Variants in TMEM181 observed in about 807,000 individuals in gnomAD.
TMEM181 encodes the protein G protein-coupled receptor 178.
A neutral mutation model predicts 71.9 loss-of-function variants in TMEM181; 39 were observed. The observed-to-expected ratio is 0.54, with a 90% CI of 0.42 to 0.71. The LOEUF is 0.71. Ranked by LOEUF, TMEM181 falls within the 30% of genes least tolerant of loss-of-function variation. TMEM181 has a pLI of 0.00. For synonymous variants in TMEM181, 245 were observed against 228.8 expected, an observed-to-expected ratio of 1.07 and a Z score of -0.64; for missense variants, 595 against 583.0, an observed-to-expected ratio of 1.02 and a Z score of -0.21.
intron 10 of TMEM181, chr6:158,621,261 A>G (rs1238099402): frequency 6.6e-6 from 1 of 152,220 alleles, no homozygotes; most frequent in Non-Finnish European, 1.5e-5. Context: ...GTGTTTTACT[A>G]TCTGCTCTTT....
At chr6:158,610,400 T>C (rs762434370) in intron 10 of TMEM181, 1 of 283,776 alleles carries the variant, frequency 3.5e-6, no homozygotes, top group South Asian at 7.4e-5. Context: ...CTGAAATTCC[T>C]TAGAGAAGGA....
chr6:158,622,080 C>A (rs548900005), intron 10 of TMEM181, among the ~76,000 whole-genome samples: 1 of 152,150 alleles, frequency 6.6e-6, no homozygotes, highest in African/African-American at 2.4e-5. Flanking sequence ...CCCGTTGGGC[C>A]GCCCACACTG....
At chr6:158,589,857 C>A in intron 6 of TMEM181, 75 bp downstream of exon 6, 1 of 1,031,180 alleles carries the variant, frequency 9.7e-7, no homozygotes, top group Admixed American at 2.0e-5. Flanking sequence ...GATTGAAATA[C>A]ATCTCAGCAT....
At chr6:158,578,686 A>G (rs1363126713) in intron 2 of TMEM181, among the ~76,000 whole-genome samples, 1 of 152,236 alleles carries the variant, frequency 6.6e-6, no homozygotes, top group Non-Finnish European at 1.5e-5. Context: ...GCTATGAGAC[A>G]TACAGAGAAC....
chr6:158,538,397 C>G (rs1201584769), intron 1 of TMEM181, among the ~76,000 whole-genome samples: 1 of 151,824 alleles, frequency 6.6e-6, no homozygotes, highest in African/African-American at 2.4e-5. Context: ...TCAAGTGATG[C>G]TCCCACCTTG....
intron 1 of TMEM181, among the ~76,000 whole-genome samples, chr6:158,571,745 A>G (rs1268843183): frequency 6.6e-6 from 1 of 152,226 alleles, no homozygotes. Flanking sequence ...GAGTTGGTGT[A>G]GGTTGGAGCC....
intron 13 of TMEM181, among the ~76,000 whole-genome samples, chr6:158,627,680 G>A (rs186593449): frequency 3.3e-5 from 5 of 152,386 alleles, no homozygotes; most frequent in Admixed American, 1.3e-4. Flanking sequence ...GGCCAGCGTG[G>A]CTGGAGATGA....
At chr6:158,578,047 G>A (rs530020927) in intron 2 of TMEM181, among the ~76,000 whole-genome samples, 4 of 152,130 alleles carry the variant, frequency 2.6e-5, no homozygotes, top group Non-Finnish European at 4.4e-5. Context: ...CTGAGATCGC[G>A]CCATTGCACT....
intron 1 of TMEM181, among the ~76,000 whole-genome samples, chr6:158,571,855 A>T (rs1782868471): frequency 6.6e-6 from 1 of 152,080 alleles, no homozygotes; most frequent in Admixed American, 6.6e-5. Flanking sequence ...CACTTTCCCC[A>T]CCTGTGAATT....
intron 1 of TMEM181, among the ~76,000 whole-genome samples, chr6:158,540,020 T>C (rs1362770383): frequency 6.6e-6 from 1 of 152,198 alleles, no homozygotes; most frequent in Admixed American, 6.5e-5. Flanking sequence ...GGGAATGAAT[T>C]GGGTTGCTGA....
intron 1 of TMEM181, among the ~76,000 whole-genome samples, chr6:158,541,392 G>A (rs1192979860): frequency 6.6e-6 from 1 of 151,956 alleles, no homozygotes; most frequent in Non-Finnish European, 1.5e-5. Context: ...ACTCCAGCCT[G>A]GGCGACAAGA....
rs866314372 is a variant in TMEM181, at chr6:158,589,596, G to A, written c.382-76G>A. 18 of 1,123,986 alleles carry A rather than the reference G, an allele frequency of 1.6e-5. No individual in the cohort carries two copies. In the Middle Eastern group the frequency reaches 1.4e-3, roughly 85 times the overall value. The allele number at this position is 1,123,986 out of a possible 1,614,324, so 69.6% of individuals were successfully genotyped here. On this transcript the variant is annotated intron_variant, in intron 5 of 16. Transcript: ENST00000684151. Reference sequence around the variant, plus strand: ...AGTTCTGCCCATCTGCTGTTGAAACGTGTTACTTCATGGGTTATTTGGCGG... The same window carrying A: ...AGTTCTGCCCATCTGCTGTTGAAACATGTTACTTCATGGGTTATTTGGCGG...
At chr6:158,594,559 A>T (rs1468523049) in intron 6 of TMEM181, among the ~76,000 whole-genome samples, 1 of 152,158 alleles carries the variant, frequency 6.6e-6, no homozygotes, top group Non-Finnish European at 1.5e-5. Flanking sequence ...GTCTGGATGT[A>T]CTGCAGCTTG....
At chr6:158,578,274 G>A (rs1783275384) in intron 2 of TMEM181, among the ~76,000 whole-genome samples, 1 of 152,164 alleles carries the variant, frequency 6.6e-6, no homozygotes, top group Non-Finnish European at 1.5e-5. Context: ...ACACTAGACA[G>A]TAACTTGAAG....
intron 14 of TMEM181, 57 bp downstream of exon 14, chr6:158,628,547 T>G (rs979086923): frequency 6.8e-5 from 102 of 1,506,914 alleles, no homozygotes; most frequent in Non-Finnish European, 9.1e-5. Context: ...ATTGCAGCAG[T>G]TAGTGGCTCA....
chr6:158,597,006 C>G (rs1303148920), intron 6 of TMEM181, among the ~76,000 whole-genome samples: 1 of 152,124 alleles, frequency 6.6e-6, no homozygotes, highest in Non-Finnish European at 1.5e-5. Context: ...AATTGTCACC[C>G]TGCACCCAGC....
rs116739254 is a variant in TMEM181, at chr6:158,543,816, T to C, written c.131+6951T>C. Among the ~76,000 whole-genome samples the C allele has an allele frequency of 6.4e-3, 973 of 152,298 alleles. 8 individuals carry two copies. Among genetic ancestry groups the C allele is most frequent in the African/African-American group, 0.022 (933 of 41,562 alleles). On this transcript the variant is annotated intron_variant, in intron 1 of 16. Coordinates refer to the TMEM181 transcript ENST00000367090. ...CTGGGGGTTAGGACTTCAGCATCTT[T>C]TTGGGGACACAAGCCACACCATAAC...
intron 1 of TMEM181, among the ~76,000 whole-genome samples, chr6:158,571,383 G>C (rs1475131066): frequency 3.8e-5 from 3 of 78,768 alleles, no homozygotes; most frequent in Non-Finnish European, 8.4e-5. Context: ...GGCGTGATCT[G>C]CCCGCCTTGG....
chr6:158,559,191 C>T (rs1036465666), upstream of TMEM181, among the ~76,000 whole-genome samples: 6 of 152,120 alleles, frequency 3.9e-5, no homozygotes, highest in Non-Finnish European at 8.8e-5. Context: ...CTTCTCCACT[C>T]CCCCAAGGCG....
Sources: allele counts gnomAD v4.1 joint callset (sites outside exome capture counted in the v4.1 genomes callset), GRCh38; gene constraint gnomAD v4.1.1; transcripts MANE v1.5; gene names NCBI Gene and HGNC (gene_info 2026-07-23, HGNC 2026-07-21).